The following YEATS4 variants were observed in gnomAD, a reference collection of about 807,000 sequenced individuals.
YEATS4 encodes the protein YEATS domain-containing protein 4.
In YEATS4, 17 loss-of-function variants were observed where a neutral mutation model predicts 30.1. The ratio of observed to expected loss-of-function variants is 0.56; its 90% CI spans 0.39 to 0.85. The LOEUF (loss-of-function observed/expected upper bound fraction) is 0.85, where lower values mean the gene tolerates loss of function less well. Among genes scored for constraint, YEATS4 ranks in the 40% least tolerant of loss-of-function variants. The pLI, the probability that YEATS4 is intolerant of heterozygous loss-of-function variation, is 0.00. For missense variants in YEATS4, 142 were observed against 268.3 expected (o/e 0.53, Z 3.29); for synonymous variants, 85 against 87.5 (o/e 0.97, Z 0.16).
intron 4 of YEATS4, among the ~76,000 whole-genome samples, chr12:69,366,842 A>G (rs1172476629): frequency 2.0e-5 from 3 of 152,200 alleles, no homozygotes; most frequent in Non-Finnish European, 4.4e-5. Flanking sequence ...ACCGGTTCCT[A>G]ACTGGCTGCA....
intron 6 of YEATS4, among the ~76,000 whole-genome samples, chr12:69,372,154 GTT>G (rs1875669568): frequency 1.3e-5 from 2 of 152,170 alleles, no homozygotes; most frequent in Non-Finnish European, 2.9e-5. Flanking sequence ...TCATTTGTGA[GTT>G]TTGAGCAAAG....
chr12:69,396,457 A>G, the YEATS4 span, among the ~76,000 whole-genome samples: 1 of 152,208 alleles, frequency 6.6e-6, no homozygotes, highest in African/African-American at 2.4e-5. Flanking sequence ...CTGGAAATCA[A>G]CTGGGAAACA....
At chr12:69,375,807 C>T (rs1875849030) in intron 6 of YEATS4, among the ~76,000 whole-genome samples, 1 of 151,736 alleles carries the variant, frequency 6.6e-6, no homozygotes, top group Non-Finnish European at 1.5e-5. Context: ...CAGGCTGAGG[C>T]AGGAGAATCA....
chr12:69,412,476 C>T, the YEATS4 span, among the ~76,000 whole-genome samples: 45 of 152,078 alleles, frequency 3.0e-4, no homozygotes, highest in Admixed American at 1.0e-3. Context: ...TGGTGAAACC[C>T]CGTCTCTACT....
At chr12:69,388,552 C>G (rs1414160118) in intron 6 of YEATS4, among the ~76,000 whole-genome samples, 1 of 152,066 alleles carries the variant, frequency 6.6e-6, no homozygotes, top group African/African-American at 2.4e-5. Context: ...GCAGCAGTTA[C>G]CAAAAATGTC....
rs144371499 is a variant in YEATS4, at chr12:69,390,323, C to T, written c.*7C>T. 4.9e-5 allele frequency: 77 copies of T among 1,556,390 alleles called. No homozygotes were observed. In the East Asian group the frequency reaches 1.6e-3, roughly 32 times the overall value. On this transcript the variant is annotated 3_prime_UTR_variant, in exon 7 of 7. Transcript: ENST00000247843. ...CCAAGCAAAAGACATATAAACAGTT[C>T]TCATGAGAACTTGGTAGTAAGCTAA...
At chr12:69,368,587 G>A (rs988157052) in intron 4 of YEATS4, among the ~76,000 whole-genome samples, 1 of 152,156 alleles carries the variant, frequency 6.6e-6, no homozygotes, top group African/African-American at 2.4e-5. Context: ...TAAGTCTTCT[G>A]TGTTAGTTTT....
the YEATS4 span, among the ~76,000 whole-genome samples, chr12:69,414,417 T>TA: frequency 5.5e-3 from 831 of 152,208 alleles, 4 homozygotes; most frequent in Non-Finnish European, 8.5e-3. Context: ...TTTTTGTAGA[T>TA]ACGGGGTCTC....
chr12:69,362,013 G>GTGTTTTTTTTTGTTT (rs1875231154), intron 1 of YEATS4, among the ~76,000 whole-genome samples: 1 of 69,080 alleles, frequency 1.4e-5, no homozygotes, highest in African/African-American at 5.0e-5. Flanking sequence ...GTGTTTGGTT[G>GTGTTTTTTTTTGTTT]TTTTTTTTTT....
rs770414548 is a variant in YEATS4 at position 69,370,717 on chromosome 12, T to A, written c.345T>A (p.Tyr115Ter). The change falls in exon 5 of 7, where the codon TAT becomes TAA. Residue 115 changes from tyrosine to a stop codon, truncating the protein, a stop_gained. Coordinates refer to ENST00000247843, the MANE Select transcript of YEATS4 (RefSeq NM_006530.4). LOFTEE classifies it high-confidence loss of function. ...IDPNERPVTL[Y>*]HLLKLFQSDT... ...TTTCTATTTCACAGGTAACCCTGTA[T>A]CATTTGCTAAAGCTGTTTCAATCAG... is the stretch of plus-strand genomic sequence containing the variant. 14 of 1,571,378 alleles carry A rather than the reference T, an allele frequency of 8.9e-6. No homozygotes were observed. The highest frequency in any genetic ancestry group is 2.0e-5 in the Admixed American group (1 of 49,980).
At chr12:69,424,133 A>C in the YEATS4 span, among the ~76,000 whole-genome samples, 1 of 152,220 alleles carries the variant, frequency 6.6e-6, no homozygotes, top group Admixed American at 6.5e-5. Context: ...TCTTGGTGAC[A>C]CTTTTGGTTT....
the YEATS4 span, among the ~76,000 whole-genome samples, chr12:69,403,450 G>T: frequency 6.6e-6 from 1 of 151,838 alleles, no homozygotes; most frequent in Non-Finnish European, 1.5e-5. Flanking sequence ...GGTATCGCAC[G>T]CCTATAATCC....
chr12:69,414,296 T>C, the YEATS4 span, among the ~76,000 whole-genome samples: 144 of 152,226 alleles, frequency 9.5e-4, 2 homozygotes, highest in South Asian at 0.014. Context: ...AGTGGCACAA[T>C]ATAGTTCACT....
rs184378728 is a variant in YEATS4 at position 69,363,629 on chromosome 12, A to G, written c.171+722A>G. On this transcript the variant is annotated intron_variant, in intron 2 of 6. Transcript: ENST00000247843. ...ATCTGATTGCTAGTAATTTTGTTTC[A>G]CTGCTGAATCTTCAATGCCTGGAAC... Among the ~76,000 whole-genome samples the G allele has an allele frequency of 3.3e-3, 502 of 152,322 alleles. 4 individuals carry two copies. Among genetic ancestry groups the G allele is most frequent in the South Asian group, 0.013 (61 of 4,822 alleles).
chr12:69,384,380 G>A (rs1402840728), intron 6 of YEATS4, among the ~76,000 whole-genome samples: 6 of 152,164 alleles, frequency 3.9e-5, no homozygotes, highest in African/African-American at 1.4e-4. Flanking sequence ...CTGTTTCAAT[G>A]TGTTAAATCT....
chr12:69,417,153 AAT>A, the YEATS4 span, among the ~76,000 whole-genome samples: 33,753 of 135,378 alleles, frequency 0.25, 4,043 homozygotes, highest in East Asian at 0.5. Context: ...ATTTTTTAAA[AAT>A]TTTTTTTTTT....
rs1868304876 is a variant in YEATS4, at chr12:69,390,480, C to A, written c.*164C>A. On this transcript the variant is annotated 3_prime_UTR_variant, in exon 7 of 7. Transcript: ENST00000247843. ...TAGGAATTTGTACTATTTAAGCAAT[C>A]TTTAATGGAAAATATGTGTGTAAGA... 1 of 556,404 alleles carries A rather than the reference C, an allele frequency of 1.8e-6. No homozygotes were observed. The highest frequency in any genetic ancestry group is 2.9e-6 in the Non-Finnish European group (1 of 347,912). The allele number at this position is 556,404 out of a possible 1,614,324, so 34.5% of individuals were successfully genotyped here.
At chr12:69,362,331 C>T (rs536721776) in intron 1 of YEATS4, among the ~76,000 whole-genome samples, 2 of 142,676 alleles carry the variant, frequency 1.4e-5, no homozygotes, top group East Asian at 2.1e-4. Context: ...ACTGATTAAA[C>T]ACGTAAGTAA....
At chr12:69,422,625 T>C in the YEATS4 span, 1 of 105,644 alleles carries the variant, frequency 9.5e-6, no homozygotes, top group African/African-American at 4.0e-5. Flanking sequence ...AGCGAGACCC[T>C]GTCTCAAAAA....
Sources: gnomAD v4.1 joint callset for allele counts (sites outside exome capture counted in the v4.1 genomes callset) on GRCh38, gnomAD v4.1.1 for gene constraint, MANE v1.5 for transcripts, NCBI Gene and HGNC (gene_info 2026-07-23, HGNC 2026-07-21) for gene names.